Variants in FKBP4 observed in about 807,000 individuals in gnomAD.
FKBP4 encodes the protein peptidyl-prolyl cis-trans isomerase FKBP4.
FKBP4 carries 28 observed loss-of-function variants against 54.1 expected under a neutral mutation model. That is an observed-to-expected ratio of 0.52 (90% CI 0.38 to 0.71). The LOEUF is 0.71. FKBP4 is among the 30% of genes least tolerant of loss of function. The pLI is 0.00. For synonymous variants in FKBP4, 223 were observed against 216.1 expected (o/e 1.03, Z -0.28); for missense variants, 493 against 574.4 (o/e 0.86, Z 1.45).
chr12:2,799,989 C>G, intron 6 of FKBP4, 49 bp downstream of exon 6: 1 of 1,612,886 alleles, frequency 6.2e-7, no homozygotes. Context: ...CCACCCTGTA[C>G]GTGACTCTGG....
Position 2,800,026 on chromosome 12 carries a change from T to G in FKBP4, c.763-13T>G, listed in dbSNP as rs1250936207. 1 of 1,614,026 alleles carries G rather than the reference T, an allele frequency of 6.2e-7. No homozygotes were observed. Among genetic ancestry groups the G allele is most frequent in the Admixed American group, 1.7e-5 (1 of 59,996 alleles). ...GTAGCTGACAACTTTGTTTCTCTCC[T>G]GGGGTGTGGCAGGCCAAGGAGTCTT... On this transcript the variant is annotated splice_polypyrimidine_tract_variant and intron_variant, in intron 6 of 9. Coordinates refer to ENST00000001008, the MANE Select transcript of FKBP4 (RefSeq NM_002014.4).
intron 9 of FKBP4, 170 bp downstream of exon 9, chr12:2,801,526 T>G: frequency 1.1e-6 from 1 of 934,676 alleles, no homozygotes; most frequent in Non-Finnish European, 1.6e-6. Flanking sequence ...TGTTCTGTGA[T>G]CAGTGCGGGA....
chr12:2,798,691 C>G lies in FKBP4; in HGVS notation c.394-15C>G. 1 of 1,613,002 alleles carries G rather than the reference C, an allele frequency of 6.2e-7. No individual in the cohort carries two copies. The highest frequency in any genetic ancestry group is 8.5e-7 in the Non-Finnish European group (1 of 1,179,944). ...GTTAGCATGGGAAGGAATTGTGTCA[C>G]ATCTTGTCCCACAGGTGGAGTTGTT... is the stretch of plus-strand genomic sequence containing the variant. On this transcript the variant is annotated splice_polypyrimidine_tract_variant and intron_variant, in intron 3 of 9. Coordinates refer to ENST00000001008, the MANE Select transcript of FKBP4 (RefSeq NM_002014.4). This position sits in a 1 kb window ranked among gnomAD's most constrained non-coding sequence, Gnocchi z 4.3.
In FKBP4 at chr12:2,796,934, A is replaced by G. The variant is rs374618880; in HGVS notation, c.106-204A>G. ...GCCTTTTGTCTCCTTTTTCAAACCA[A>G]GTCTTGCTGCACCTCAAGAAAGACA... On this transcript the variant is annotated intron_variant, in intron 1 of 9. Transcript: ENST00000001008. 76 of 1,363,434 alleles carry G rather than the reference A, an allele frequency of 5.6e-5. 1 individual carries two copies. In the South Asian group the frequency reaches 6.0e-4, roughly 11 times the overall value. 84.5% of individuals were successfully genotyped at this position (1,363,434 alleles called of 1,614,324 possible). A position where few individuals can be genotyped will look rare whatever the true frequency, so the allele number is the denominator to read the frequency against.
In FKBP4 at chr12:2,795,795, C is replaced by A; in HGVS notation, c.105+551C>A. ...CCCTTCGGCCTTTGTGCGACGCAGGCGCGACAGGGTTCCGGCGCCCTCCCG... is the reference window on the plus strand; with the variant it reads ...CCCTTCGGCCTTTGTGCGACGCAGGAGCGACAGGGTTCCGGCGCCCTCCCG... On this transcript the variant is annotated intron_variant, in intron 1 of 9. Coordinates refer to ENST00000001008, the MANE Select transcript of FKBP4 (RefSeq NM_002014.4). The surrounding 1 kb of genome is among the most constrained non-coding windows in gnomAD (Gnocchi z 4.3). The A allele has an allele frequency of 4.9e-6, 1 of 205,896 alleles. No individual in the cohort carries two copies. The highest frequency in any genetic ancestry group is 8.6e-6 in the Non-Finnish European group (1 of 116,532). The allele number at this position is 205,896 out of a possible 1,614,324, so 12.8% of individuals were successfully genotyped here.
rs2153921152 is a variant in FKBP4, at chr12:2,804,534, C to G, written c.*1276C>G. 6.6e-6 allele frequency: 1 copy of G among 152,330 alleles called. No individual in the cohort carries two copies. Among genetic ancestry groups the G allele is most frequent in the East Asian group, 1.9e-4 (1 of 5,184 alleles). The allele number at this position is 152,330 out of a possible 1,614,324, so 9.4% of individuals were successfully genotyped here. On this transcript the variant is annotated 3_prime_UTR_variant, in exon 10 of 10. Transcript: ENST00000001008. ...TTAACTCCTATGGCATGATGGGGCCCTGGGAGAAGCCAGGCAGCACAAGCC... is the reference window on the plus strand; with the variant it reads ...TTAACTCCTATGGCATGATGGGGCCGTGGGAGAAGCCAGGCAGCACAAGCC...
At chr12:2,800,620 G>C in intron 8 of FKBP4, 43 bp downstream of exon 8, 1 of 1,532,650 alleles carries the variant, frequency 6.5e-7, no homozygotes, top group Non-Finnish European at 8.7e-7. Flanking sequence ...TTCACAGGCA[G>C]AGTTGGGTGA....
intron 9 of FKBP4, 137 bp from the exon 10 acceptor site, chr12:2,803,014 C>T: frequency 1.6e-6 from 1 of 628,530 alleles, no homozygotes; most frequent in Non-Finnish European, 2.8e-6. Flanking sequence ...AGGCATAAGC[C>T]ACCAGGCTTG....
rs2153918562 is a variant in FKBP4 at position 2,795,097 on chromosome 12, C to G, written c.-43C>G. 4.1e-6 allele frequency: 5 copies of G among 1,228,106 alleles called. No individual in the cohort carries two copies. Among genetic ancestry groups the G allele is most frequent in the Non-Finnish European group, 5.2e-6 (5 of 961,688 alleles). The allele number at this position is 1,228,106 out of a possible 1,614,324, so 76.1% of individuals were successfully genotyped here. A position where few individuals can be genotyped will look rare whatever the true frequency, so the allele number is the denominator to read the frequency against. On this transcript the variant is annotated 5_prime_UTR_variant, in exon 1 of 10. Coordinates refer to ENST00000001008, the MANE Select transcript of FKBP4 (RefSeq NM_002014.4). The surrounding 1 kb of genome is among the most constrained non-coding windows in gnomAD (Gnocchi z 4.3). The stretch of plus-strand genomic sequence containing the variant: ...CCCCGCCCGCGGCCCAGAGTGCGCT[C>G]GCGCCGGCACCAGCTCCCGGATAAA...
rs568922742 is a variant in FKBP4 at position 2,803,843 on chromosome 12, G to A, written c.*585G>A. 3 of 153,158 alleles carry A rather than the reference G, an allele frequency of 2.0e-5. No homozygotes were observed. The highest frequency in any genetic ancestry group is 4.4e-5 in the Non-Finnish European group (3 of 68,450). The allele number at this position is 153,158 out of a possible 1,614,324, so 9.5% of individuals were successfully genotyped here. A position where few individuals can be genotyped will look rare whatever the true frequency, so the allele number is the denominator to read the frequency against. ...CCTGTCAGTTTCCCCTCTCGGCCAGGTTGTGTCCCAAAATCCCCTCAGCCT... is the reference window on the plus strand; with the variant it reads ...CCTGTCAGTTTCCCCTCTCGGCCAGATTGTGTCCCAAAATCCCCTCAGCCT... On this transcript the variant is annotated 3_prime_UTR_variant, in exon 10 of 10. Coordinates refer to ENST00000001008, the MANE Select transcript of FKBP4 (RefSeq NM_002014.4).
intron 1 of FKBP4, chr12:2,796,296 G>C: frequency 1.6e-6 from 2 of 1,289,182 alleles, no homozygotes; most frequent in Non-Finnish European, 2.0e-6. Flanking sequence ...CTGCTCCAGC[G>C]GCTCTCCTGT....
At chr12:2,797,393 T>A (rs2097902437) in intron 2 of FKBP4, 111 bp downstream of exon 2, 2 of 1,273,288 alleles carry the variant, frequency 1.6e-6, no homozygotes, top group East Asian at 2.3e-5. Context: ...TATCACAGTC[T>A]GTTAACTCTT....
Position 2,803,490 on chromosome 12 carries a change from T to C in FKBP4, c.*232T>C, listed in dbSNP as rs534872952. On this transcript the variant is annotated 3_prime_UTR_variant, in exon 10 of 10. Transcript: ENST00000001008. ...CCTTCCTCCATTGCACATGAACATA[T>C]GTCCATCCATATATATTCATCAGAA... 9 of 527,524 alleles carry C rather than the reference T, an allele frequency of 1.7e-5. No individual in the cohort carries two copies. Among genetic ancestry groups the C allele is most frequent in the African/African-American group, 7.6e-5 (4 of 52,844 alleles). The allele number at this position is 527,524 out of a possible 1,614,324, so 32.7% of individuals were successfully genotyped here. A position where few individuals can be genotyped will look rare whatever the true frequency, so the allele number is the denominator to read the frequency against.
Position 2,804,034 on chromosome 12 carries a change from A to G in FKBP4, c.*776A>G, listed in dbSNP as rs2153921048. On this transcript the variant is annotated 3_prime_UTR_variant, in exon 10 of 10. Coordinates refer to ENST00000001008, the MANE Select transcript of FKBP4 (RefSeq NM_002014.4). ...TAGTAGCACAATCAAGGGGTCACCC[A>G]CTTAGTTCCAGTTGAGCTTAAATAA... 6.8e-6 allele frequency: 1 copy of G among 146,356 alleles called. No individual in the cohort carries two copies. The highest frequency in any genetic ancestry group is 2.7e-5 in the African/African-American group (1 of 37,620). The allele number at this position is 146,356 out of a possible 1,614,324, so 9.1% of individuals were successfully genotyped here.
Position 2,797,775 on chromosome 12 carries a change from G to T in FKBP4, c.297G>T (p.Val99=). The change falls in exon 3 of 10, where the codon GTG becomes GTT. Residue 99 remains valine, a synonymous_variant. Coordinates refer to ENST00000001008, the MANE Select transcript of FKBP4 (RefSeq NM_002014.4). ...ACATTGCCATAGCCACCATGAAGGTGGGGGAGGTGTGCCACATCACCTGCA... is the reference window on the plus strand; with the variant it reads ...ACATTGCCATAGCCACCATGAAGGTTGGGGAGGTGTGCCACATCACCTGCA... ...AWDIAIATMK[V]GEVCHITCKP... is the part of the protein sequence containing the mutation. 6 of 1,613,980 alleles carry T rather than the reference G, an allele frequency of 3.7e-6. No homozygotes were observed. Among genetic ancestry groups the T allele is most frequent in the Non-Finnish European group, 2.5e-6 (3 of 1,179,902 alleles).
At chr12:2,801,058 G>A (rs1022240353) in intron 8 of FKBP4, 59 bp from the exon 9 acceptor site, 3 of 1,604,330 alleles carry the variant, frequency 1.9e-6, no homozygotes, top group Non-Finnish European at 2.6e-6. Flanking sequence ...CCCAGTCTAG[G>A]CCAGATGAGC....
At position 2,803,136 on chromosome 12, in the gene FKBP4, T is replaced by C; in HGVS notation, c.1273-15T>C. Reference sequence around the variant, plus strand: ...CTTGGGAAGTCAGCCCGTTTGCTGTTCATCTTCCTTGCAGGCCAAGGCAGA... The same window carrying C: ...CTTGGGAAGTCAGCCCGTTTGCTGTCCATCTTCCTTGCAGGCCAAGGCAGA... On this transcript the variant is annotated splice_polypyrimidine_tract_variant and intron_variant, in intron 9 of 9. Coordinates refer to ENST00000001008, the MANE Select transcript of FKBP4 (RefSeq NM_002014.4). 1.9e-6 allele frequency: 3 copies of C among 1,579,854 alleles called. No individual in the cohort carries two copies. Among genetic ancestry groups the C allele is most frequent in the Non-Finnish European group, 2.6e-6 (3 of 1,158,696 alleles).
chr12:2,796,384 C>T (rs771136097), intron 1 of FKBP4: 76 of 1,288,938 alleles, frequency 5.9e-5, no homozygotes, highest in Non-Finnish European at 7.2e-5. Flanking sequence ...CTCATTTCCC[C>T]TTTGATCCAT....
chr12:2,799,058 C>T (rs2097903377), intron 4 of FKBP4, 30 bp from the exon 5 acceptor site: 1 of 1,522,352 alleles, frequency 6.6e-7, no homozygotes, highest in Non-Finnish European at 8.8e-7. Flanking sequence ...CCTCTTACAA[C>T]TCTGGTACAC....
Sources: allele counts gnomAD v4.1 joint callset, GRCh38; gene constraint gnomAD v4.1.1; non-coding constraint Gnocchi (gnomAD v3.1); transcripts MANE v1.5; gene names NCBI Gene and HGNC (gene_info 2026-07-23, HGNC 2026-07-21).